The following SAE1 variants were observed in gnomAD, a reference collection of about 807,000 sequenced individuals.
SAE1 encodes the protein SUMO-activating enzyme subunit 1.
SAE1 carries 11 observed loss-of-function variants against 40.6 expected under a neutral mutation model. That is an observed-to-expected ratio of 0.27 (90% CI 0.17 to 0.45). The LOEUF is 0.45. Among genes scored for constraint, SAE1 ranks in the 20% least tolerant of loss-of-function variants. The pLI, the probability that SAE1 is intolerant of heterozygous loss-of-function variation, is 1.00. For missense variants in SAE1, 373 were observed against 427.3 expected, an observed-to-expected ratio of 0.87 and a Z score of 1.12; for synonymous variants, 155 against 154.3, an observed-to-expected ratio of 1.00 and a Z score of -0.03.
chr19:47,194,624 G>A (rs903641292), intron 6 of SAE1, among the ~76,000 whole-genome samples: 1 of 152,132 alleles, frequency 6.6e-6, no homozygotes. Flanking sequence ...GACAAGGCTC[G>A]AGACTGGCTG....
intron 5 of SAE1, among the ~76,000 whole-genome samples, chr19:47,166,485 T>C (rs1179573144): frequency 1.7e-4 from 26 of 152,152 alleles, no homozygotes; most frequent in Admixed American, 1.6e-3. Flanking sequence ...TCATTCATAC[T>C]CTTGCCCCAG....
In SAE1 at chr19:47,133,854, T is replaced by G. The variant is rs537800228; in HGVS notation, c.98+2826T>G. Among the ~76,000 whole-genome samples the G allele has an allele frequency of 4.0e-5, 6 of 150,932 alleles. No individual in the cohort carries two copies. The East Asian group carries it at 9.7e-4, about 24-fold the overall frequency. ...AGTTCTCTTTTAGGTTTCAGATTTG[T>G]TTTTTTTGTTTGTTTTTTTTTTTTT... On this transcript the variant is annotated intron_variant, in intron 1 of 8. Transcript: ENST00000270225.
chr19:47,173,039 T>C (rs1293256748), intron 6 of SAE1, among the ~76,000 whole-genome samples: 2 of 152,098 alleles, frequency 1.3e-5, no homozygotes, highest in African/African-American at 4.8e-5. Context: ...TCTTTTTCTT[T>C]TTCCCCAGAG....
At chr19:47,208,958 C>T (rs914682091) in intron 8 of SAE1, among the ~76,000 whole-genome samples, 10 of 152,140 alleles carry the variant, frequency 6.6e-5, no homozygotes, top group African/African-American at 2.4e-4. Context: ...TAAATAATCT[C>T]CCCATGGACA....
At chr19:47,205,430 G>A (rs745576348) in intron 8 of SAE1, among the ~76,000 whole-genome samples, 1 of 151,796 alleles carries the variant, frequency 6.6e-6, no homozygotes, top group Non-Finnish European at 1.5e-5. Flanking sequence ...GAGATATTTG[G>A]AGGGGGAAGA....
intron 6 of SAE1, among the ~76,000 whole-genome samples, chr19:47,196,333 CTTTTTTTTTTTTT>C (rs61498882): frequency 7.5e-4 from 21 of 27,888 alleles, no homozygotes; most frequent in African/African-American, 3.0e-3. Context: ...CCGCGCCTGG[CTTTTTTTTTTTTT>C]TTTTTTTTTT....
At chr19:47,191,192 C>T (rs1274781185) in intron 6 of SAE1, among the ~76,000 whole-genome samples, 1 of 152,086 alleles carries the variant, frequency 6.6e-6, no homozygotes, top group African/African-American at 2.4e-5. Flanking sequence ...AGGAGGATCA[C>T]TTAAGGTCAG....
intron 7 of SAE1, among the ~76,000 whole-genome samples, chr19:47,201,133 T>C (rs1427840944): frequency 1.3e-5 from 2 of 151,744 alleles, no homozygotes; most frequent in Admixed American, 1.3e-4. Context: ...CCTCCGCCTC[T>C]GTGCTCTGTG....
chr19:47,188,607 A>G lies in SAE1; in HGVS notation c.734-8626A>G, dbSNP rs374728868. On this transcript the variant is annotated intron_variant, in intron 6 of 8. Transcript: ENST00000270225. Reference sequence around the variant, plus strand: ...AAGAGCAGTGACAGACCTGGAAGATACTGCCCCAGGCACTCTTGGGTGCTT... The same window carrying G: ...AAGAGCAGTGACAGACCTGGAAGATGCTGCCCCAGGCACTCTTGGGTGCTT... 9.2e-5 allele frequency among the ~76,000 whole-genome samples: 14 copies of G among 152,326 alleles called. No homozygotes were observed. In the East Asian group the frequency reaches 2.5e-3, roughly 27 times the overall value.
chr19:47,187,683 G>A (rs931239963), intron 6 of SAE1, among the ~76,000 whole-genome samples: 30 of 152,012 alleles, frequency 2.0e-4, no homozygotes, highest in Admixed American at 6.6e-5. Flanking sequence ...CACAACACCC[G>A]GCTCATTTTT....
At chr19:47,141,608 T>C (rs1260501769) in intron 1 of SAE1, among the ~76,000 whole-genome samples, 2 of 152,028 alleles carry the variant, frequency 1.3e-5, no homozygotes, top group Non-Finnish European at 2.9e-5. Flanking sequence ...TAAAAAAGCC[T>C]TTTTTTGAGG....
At chr19:47,150,582 T>C (rs780472841) in intron 3 of SAE1, among the ~76,000 whole-genome samples, 2 of 152,202 alleles carry the variant, frequency 1.3e-5, no homozygotes, top group Non-Finnish European at 2.9e-5. Flanking sequence ...TTGCATCTGC[T>C]GTAGTTGTTG....
At chr19:47,131,545 C>G (rs1289324173) in intron 1 of SAE1, among the ~76,000 whole-genome samples, 1 of 151,720 alleles carries the variant, frequency 6.6e-6, no homozygotes, top group African/African-American at 2.4e-5. Flanking sequence ...AGTTTTGGAG[C>G]AAGTTATCTC....
intron 5 of SAE1, among the ~76,000 whole-genome samples, chr19:47,164,521 A>G (rs2058378385): frequency 6.6e-6 from 1 of 151,650 alleles, no homozygotes; most frequent in Admixed American, 6.6e-5. Context: ...GCCTAGCCAT[A>G]ATCTATTTTA....
chr19:47,131,626 G>C (rs1487661310), intron 1 of SAE1, among the ~76,000 whole-genome samples: 1 of 150,058 alleles, frequency 6.7e-6, no homozygotes, highest in Non-Finnish European at 1.5e-5. Context: ...GGTTGCTTGT[G>C]TTTGGTATGG....
rs374051160 is a variant in SAE1 at position 47,143,614 on chromosome 19, T to G, written c.210+9T>G. On this transcript the variant is annotated intron_variant, in intron 2 of 8. Transcript: ENST00000270225. Reference sequence around the variant, plus strand: ...TGCTGGATCACGAACAGGTGCGCTGTTGTGAGCTCATTCCTCCCCTGCTCT... The same window carrying G: ...TGCTGGATCACGAACAGGTGCGCTGGTGTGAGCTCATTCCTCCCCTGCTCT... The G allele has an allele frequency of 1.3e-6, 2 of 1,599,182 alleles. No individual in the cohort carries two copies. Among genetic ancestry groups the G allele is most frequent in the South Asian group, 1.1e-5 (1 of 90,810 alleles).
At chr19:47,134,429 C>G (rs960416347) in intron 1 of SAE1, among the ~76,000 whole-genome samples, 5 of 151,834 alleles carry the variant, frequency 3.3e-5, no homozygotes, top group African/African-American at 1.2e-4. Flanking sequence ...CATCATGAGG[C>G]ATTAACATTG....
chr19:47,143,673 TTG>T, intron 2 of SAE1, 68 bp downstream of exon 2: 1 of 1,184,908 alleles, frequency 8.4e-7, no homozygotes, highest in Non-Finnish European at 1.3e-6. Context: ...TCTGCAGATT[TTG>T]TGAGTTCCTC....
intron 5 of SAE1, among the ~76,000 whole-genome samples, chr19:47,163,419 T>C (rs542889960): frequency 6.6e-6 from 1 of 152,150 alleles, no homozygotes; most frequent in Non-Finnish European, 1.5e-5. Context: ...TTATAAGTAA[T>C]CTAGAGATGA....
Sources: allele counts gnomAD v4.1 joint callset (sites outside exome capture counted in the v4.1 genomes callset), GRCh38; gene constraint gnomAD v4.1.1; transcripts MANE v1.5; gene names NCBI Gene and HGNC (gene_info 2026-07-23, HGNC 2026-07-21).